Variants in OR2M4 observed in about 807,000 individuals in gnomAD.
The protein encoded by OR2M4 is olfactory receptor family 2 subfamily M member 4, also known as olfactory receptor 2M4.
OR2M4 carries 8 observed loss-of-function variants against 13.7 expected under a neutral mutation model. The ratio of observed to expected loss-of-function variants is 0.58; its 90% CI spans 0.34 to 1.05. The LOEUF (loss-of-function observed/expected upper bound fraction) is 1.05, where lower values mean the gene tolerates loss of function less well. Among genes scored for constraint, OR2M4 ranks in the 50% least tolerant of loss-of-function variants. OR2M4 has a pLI of 0.02. For missense variants in OR2M4, 374 were observed against 381.6 expected, an observed-to-expected ratio of 0.98 and a Z score of 0.17; for synonymous variants, 152 against 141.3, an observed-to-expected ratio of 1.08 and a Z score of -0.53.
intron 1 of OR2M4, among the ~76,000 whole-genome samples, chr1:248,233,677 A>G (rs1040297889): frequency 6.6e-6 from 1 of 152,210 alleles, no homozygotes; most frequent in Non-Finnish European, 1.5e-5. Context: ...GGAAATAACA[A>G]CAAAGACATT....
rs1666636519 is a variant in OR2M4, at chr1:248,243,430, C to G, written c.*3566C>G. ...GAGAGATGCCTCCTTACCAGGACGA[C>G]TCCTGAGCCTTGGAGGAGGCCCCTC... On this transcript the variant is annotated 3_prime_UTR_variant, in exon 2 of 2. Coordinates refer to ENST00000641868, the MANE Select transcript of OR2M4 (RefSeq NM_017504.2). 1 of 152,174 alleles carries G rather than the reference C, an allele frequency of 6.6e-6. No homozygotes were observed. Among genetic ancestry groups the G allele is most frequent in the Admixed American group, 6.5e-5 (1 of 15,280 alleles). 9.4% of individuals were successfully genotyped at this position (152,174 alleles called of 1,614,324 possible). A position where few individuals can be genotyped will look rare whatever the true frequency, so the allele number is the denominator to read the frequency against.
At position 248,243,664 on chromosome 1, in the gene OR2M4, A is replaced by G. The variant is rs1397676511; in HGVS notation, c.*3800A>G. ...CAGGCTTGGCAAATAATTTTTGGCT[A>G]ATTTCCCAAAAACATTTGCAACAAA... On this transcript the variant is annotated 3_prime_UTR_variant, in exon 2 of 2. Transcript: ENST00000641868. 1 of 152,210 alleles carries G rather than the reference A, an allele frequency of 6.6e-6. No individual in the cohort carries two copies. The highest frequency in any genetic ancestry group is 1.5e-5 in the Non-Finnish European group (1 of 68,034). 9.4% of individuals were successfully genotyped at this position (152,210 alleles called of 1,614,324 possible). A position where few individuals can be genotyped will look rare whatever the true frequency, so the allele number is the denominator to read the frequency against.
chr1:248,232,128 T>C (rs1218975739), intron 1 of OR2M4, among the ~76,000 whole-genome samples: 2 of 152,216 alleles, frequency 1.3e-5, no homozygotes, highest in East Asian at 1.9e-4. Flanking sequence ...CCAGTTTTCT[T>C]ATTTGTGTTC....
chr1:248,231,868 G>A (rs1342976699), intron 1 of OR2M4, among the ~76,000 whole-genome samples: 1 of 152,096 alleles, frequency 6.6e-6, no homozygotes, highest in African/African-American at 2.4e-5. Flanking sequence ...AAGAAAGAGA[G>A]ACATAGTATT....
rs1238509688 is a variant in OR2M4, at chr1:248,239,371, C to T, written c.443C>T (p.Ser148Phe). 5 of 1,613,968 alleles carry T rather than the reference C, an allele frequency of 3.1e-6. No individual in the cohort carries two copies. Among genetic ancestry groups the T allele is most frequent in the East Asian group, 2.2e-5 (1 of 44,886 alleles). The change falls in exon 2 of 2, where the codon TCC becomes TTC. Residue 148 changes from serine (S) to phenylalanine (F), a missense_variant. Coordinates refer to ENST00000641868, the MANE Select transcript of OR2M4 (RefSeq NM_017504.2). ...CTCTGTGTCTTCATGACTGTTGCTTCCTGGACCTTGGGGTCTCTTGATGGG... is the reference window on the plus strand; with the variant it reads ...CTCTGTGTCTTCATGACTGTTGCTTTCTGGACCTTGGGGTCTCTTGATGGG... ...PKLCVFMTVASWTLGSLDGII... is the reference protein window; with the variant it reads ...PKLCVFMTVAFWTLGSLDGII...
In OR2M4 at chr1:248,244,167, G is replaced by A. The variant is rs1328508739; in HGVS notation, c.*4303G>A. 6.6e-6 allele frequency: 1 copy of A among 152,154 alleles called. No individual in the cohort carries two copies. The highest frequency in any genetic ancestry group is 1.5e-5 in the Non-Finnish European group (1 of 68,020). 9.4% of individuals were successfully genotyped at this position (152,154 alleles called of 1,614,324 possible). ...GATTTCTCGAAGAACTTAAAACAGGGCTGCTACTTGACCCAGGAATGCTAT... is the reference window on the plus strand; with the variant it reads ...GATTTCTCGAAGAACTTAAAACAGGACTGCTACTTGACCCAGGAATGCTAT... On this transcript the variant is annotated 3_prime_UTR_variant, in exon 2 of 2. Transcript: ENST00000641868.
In OR2M4 at chr1:248,242,685, C is replaced by T. The variant is rs1666629471; in HGVS notation, c.*2821C>T. 6.6e-6 allele frequency: 1 copy of T among 152,084 alleles called. No individual in the cohort carries two copies. Among genetic ancestry groups the T allele is most frequent in the Non-Finnish European group, 1.5e-5 (1 of 68,020 alleles). The allele number at this position is 152,084 out of a possible 1,614,324, so 9.4% of individuals were successfully genotyped here. ...GTGATTTACATTTTGTCAGCAACAT[C>T]ACACCTTATGTGAAACAGGTAAATT... On this transcript the variant is annotated 3_prime_UTR_variant, in exon 2 of 2. Coordinates refer to ENST00000641868, the MANE Select transcript of OR2M4 (RefSeq NM_017504.2).
chr1:248,234,871 T>C (rs1209300442), intron 1 of OR2M4, among the ~76,000 whole-genome samples: 1 of 152,012 alleles, frequency 6.6e-6, no homozygotes, highest in African/African-American at 2.4e-5. Flanking sequence ...TTTTTTCTTA[T>C]AAATGTAAGT....
intron 1 of OR2M4, among the ~76,000 whole-genome samples, chr1:248,235,216 T>A (rs1170180757): frequency 6.6e-6 from 1 of 152,174 alleles, no homozygotes; most frequent in Non-Finnish European, 1.5e-5. Flanking sequence ...TTCAGTTTTC[T>A]GCATATGGCT....
intron 1 of OR2M4, among the ~76,000 whole-genome samples, chr1:248,234,638 G>A (rs1191479159): frequency 6.6e-6 from 1 of 151,866 alleles, no homozygotes; most frequent in Non-Finnish European, 1.5e-5. Flanking sequence ...TCATGTCCCT[G>A]CAAAGGACAT....
chr1:248,237,033 A>G (rs1180465384), intron 1 of OR2M4, among the ~76,000 whole-genome samples: 1 of 152,166 alleles, frequency 6.6e-6, no homozygotes, highest in Admixed American at 6.5e-5. Flanking sequence ...AAACAATTGA[A>G]AAAAGGGGAC....
chr1:248,239,694 A>G lies in OR2M4; in HGVS notation c.766A>G (p.Met256Val), dbSNP rs1231904079. 11 of 1,613,966 alleles carry G rather than the reference A, an allele frequency of 6.8e-6. No individual in the cohort carries two copies. Among genetic ancestry groups the G allele is most frequent in the African/African-American group, 4.0e-5 (3 of 74,880 alleles). ...GGTCGGACTCTACTACGGTGCTGCT[A>G]TGTTCATGTACATGAGACCAGCTTC... ...SVVGLYYGAA[M>V]FMYMRPASKH... Residue 256 changes from methionine to valine, a missense_variant, in exon 2 of 2, where the codon ATG becomes GTG. Met to Val is a conservative substitution (Grantham distance 21). Coordinates refer to ENST00000641868, the MANE Select transcript of OR2M4 (RefSeq NM_017504.2).
chr1:248,236,041 G>A (rs1666553573), intron 1 of OR2M4, among the ~76,000 whole-genome samples: 2 of 152,188 alleles, frequency 1.3e-5, no homozygotes, highest in Non-Finnish European at 2.9e-5. Flanking sequence ...ATGTTGAATA[G>A]GAGTGGTGAG....
Position 248,238,907 on chromosome 1 carries a change from C to T in OR2M4, c.-19-3C>T, listed in dbSNP as rs1666584006. 5 of 1,523,202 alleles carry T rather than the reference C, an allele frequency of 3.3e-6. No individual in the cohort carries two copies. The highest frequency in any genetic ancestry group is 1.8e-6 in the Non-Finnish European group (2 of 1,126,766). The allele number at this position is 1,523,202 out of a possible 1,614,324, so 94.4% of individuals were successfully genotyped here. A position where few individuals can be genotyped will look rare whatever the true frequency, so the allele number is the denominator to read the frequency against. On this transcript the variant is annotated splice_polypyrimidine_tract_variant and splice_region_variant and intron_variant, in intron 1 of 1. Coordinates refer to ENST00000641868, the MANE Select transcript of OR2M4 (RefSeq NM_017504.2). ...AAGCTTGTACCTTCTTTGGAATTCT[C>T]AGATAAGGCAAATTATCCAGGATGG...
Position 248,239,508 on chromosome 1 carries a change from G to A in OR2M4, c.580G>A (p.Ala194Thr), listed in dbSNP as rs1481345947. The A allele has an allele frequency of 1.9e-6, 3 of 1,613,928 alleles. No homozygotes were observed. The highest frequency in any genetic ancestry group is 2.5e-6 in the Non-Finnish European group (3 of 1,179,996). ...LLPLSCTETSAFERLLVICCV... is the reference protein window; with the variant it reads ...LLPLSCTETSTFERLLVICCV... ...ACCTCTATCCTGCACAGAAACATCT[G>A]CATTTGAAAGACTACTTGTCATTTG... The change falls in exon 2 of 2, where the codon GCA becomes ACA. Residue 194 changes from alanine (A) to threonine (T), a missense_variant. Physicochemically the swap from Ala to Thr is moderately conservative, Grantham distance 58. Coordinates refer to ENST00000641868, the MANE Select transcript of OR2M4 (RefSeq NM_017504.2).
Position 248,244,586 on chromosome 1 carries a change from A to T in OR2M4, c.*4722A>T, listed in dbSNP as rs932299023. ...TGTGGGTTGCAAAACTACCTATGGG[A>T]TACTATGCTCACAACCTGGGTGATG... On this transcript the variant is annotated 3_prime_UTR_variant, in exon 2 of 2. Transcript: ENST00000641868. 16 of 152,276 alleles carry T rather than the reference A, an allele frequency of 1.1e-4. No individual in the cohort carries two copies. The highest frequency in any genetic ancestry group is 3.9e-4 in the African/African-American group (16 of 41,540). 9.4% of individuals were successfully genotyped at this position (152,276 alleles called of 1,614,324 possible). A position where few individuals can be genotyped will look rare whatever the true frequency, so the allele number is the denominator to read the frequency against.
In OR2M4 at chr1:248,238,984, A is replaced by T. The variant is rs374721651; in HGVS notation, c.56A>T (p.Asn19Ile). ...ATCTTCATCCTGCTGGGAATCTTCA[A>T]TCACAGTCCCACCCACACCTTCCTT... is the stretch of plus-strand genomic sequence containing the variant. ...NSIFILLGIF[N>I]HSPTHTFLFS... Residue 19 changes from asparagine (N) to isoleucine (I), a missense_variant, in exon 2 of 2, where the codon AAT (asparagine) becomes ATT (isoleucine). Coordinates refer to ENST00000641868, the MANE Select transcript of OR2M4 (RefSeq NM_017504.2). 1 of 1,613,050 alleles carries T rather than the reference A, an allele frequency of 6.2e-7. No homozygotes were observed. The highest frequency in any genetic ancestry group is 8.5e-7 in the Non-Finnish European group (1 of 1,179,534).
rs2103023407 is a variant in OR2M4, at chr1:248,240,132, C to G, written c.*268C>G. The G allele has an allele frequency of 3.5e-6, 1 of 282,622 alleles. No individual in the cohort carries two copies. Among genetic ancestry groups the G allele is most frequent in the Non-Finnish European group, 6.5e-6 (1 of 152,912 alleles). The allele number at this position is 282,622 out of a possible 1,614,324, so 17.5% of individuals were successfully genotyped here. On this transcript the variant is annotated 3_prime_UTR_variant, in exon 2 of 2. Coordinates refer to ENST00000641868, the MANE Select transcript of OR2M4 (RefSeq NM_017504.2). ...GTGGTACTTGATTTTAGGATGCTTA[C>G]TTTTGAAGCCAGGTATAAGTCCGAA... is the stretch of plus-strand genomic sequence containing the variant.
Position 248,236,135 on chromosome 1 carries a change from C to A in OR2M4, c.-19-2775C>A, listed in dbSNP as rs75922696. Among the ~76,000 whole-genome samples, 1,383 of 152,174 alleles carry A rather than the reference C, an allele frequency of 9.1e-3. 19 individuals are homozygous for A. Among genetic ancestry groups the A allele is most frequent in the African/African-American group, 0.032 (1,314 of 41,510 alleles). ...CCACATAGCACCCACATAGAACTTACTCTAAAATAGATTACATAATTGGTA... is the reference window on the plus strand; with the variant it reads ...CCACATAGCACCCACATAGAACTTAATCTAAAATAGATTACATAATTGGTA... On this transcript the variant is annotated intron_variant, in intron 1 of 1. Transcript: ENST00000641868.
Sources: gnomAD v4.1 joint callset for allele counts (sites outside exome capture counted in the v4.1 genomes callset) on GRCh38, gnomAD v4.1.1 for gene constraint, MANE v1.5 for transcripts, NCBI Gene and HGNC (gene_info 2026-07-23, HGNC 2026-07-21) for gene names.